Variants in RGS7BP observed in about 807,000 individuals in gnomAD.
The protein encoded by RGS7BP is regulator of G protein signaling 7-binding protein.
RGS7BP carries 9 observed loss-of-function variants against 31.3 expected under a neutral mutation model. That is an observed-to-expected ratio of 0.29 (90% CI 0.17 to 0.50). RGS7BP has a LOEUF of 0.50. Ranked by LOEUF, RGS7BP falls within the 20% of genes least tolerant of loss-of-function variation. The pLI is 0.98. For missense variants in RGS7BP, 274 were observed against 322.0 expected, an observed-to-expected ratio of 0.85 and a Z score of 1.14; for synonymous variants, 115 against 120.1, an observed-to-expected ratio of 0.96 and a Z score of 0.28.
intron 2 of RGS7BP, among the ~76,000 whole-genome samples, chr5:64,562,912 G>A (rs1742087446): frequency 6.6e-6 from 1 of 152,124 alleles, no homozygotes; most frequent in South Asian, 2.1e-4. Flanking sequence ...CAGATAATGA[G>A]TAAAACTTCC....
At chr5:64,599,424 T>C (rs1743162616) in intron 5 of RGS7BP, among the ~76,000 whole-genome samples, 1 of 152,134 alleles carries the variant, frequency 6.6e-6, no homozygotes. Flanking sequence ...GATTTGGCAG[T>C]GGAGCTGGAG....
chr5:64,547,383 G>A lies in RGS7BP; in HGVS notation c.333-28391G>A, dbSNP rs116291196. ...ATGGAAATTCTTCTCACCAAAGCTT[G>A]GTGTTGTCTGTCTTTTTAATTTTAG... On this transcript the variant is annotated intron_variant, in intron 2 of 5. Coordinates refer to ENST00000334025, the MANE Select transcript of RGS7BP (RefSeq NM_001029875.3). Among the ~76,000 whole-genome samples, 1,079 of 152,230 alleles carry A rather than the reference G, an allele frequency of 7.1e-3. 10 individuals are homozygous for A. Among genetic ancestry groups the A allele is most frequent in the African/African-American group, 0.024 (994 of 41,538 alleles).
chr5:64,560,329 A>ACTT (rs1158519904), intron 2 of RGS7BP, among the ~76,000 whole-genome samples: 2 of 152,016 alleles, frequency 1.3e-5, no homozygotes, highest in African/African-American at 2.4e-5. Context: ...TGAATTGGAA[A>ACTT]CTCTAGGGAT....
chr5:64,579,591 A>C (rs1451138803), intron 3 of RGS7BP, among the ~76,000 whole-genome samples: 2 of 150,006 alleles, frequency 1.3e-5, no homozygotes, highest in African/African-American at 4.9e-5. Context: ...AAAGAAATAT[A>C]TTGAAGGTGG....
At chr5:64,564,048 C>CA (rs1401382395) in intron 2 of RGS7BP, among the ~76,000 whole-genome samples, 1 of 152,142 alleles carries the variant, frequency 6.6e-6, no homozygotes, top group African/African-American at 2.4e-5. Flanking sequence ...ACTCTCTAGT[C>CA]AAAAGAGTTA....
chr5:64,608,014 C>T (rs1029469843), intron 5 of RGS7BP, among the ~76,000 whole-genome samples: 5 of 152,050 alleles, frequency 3.3e-5, no homozygotes, highest in African/African-American at 1.2e-4. Flanking sequence ...GCTTCTGTGC[C>T]CTTTGCCAAG....
intron 2 of RGS7BP, among the ~76,000 whole-genome samples, chr5:64,563,523 A>G (rs1742100419): frequency 6.6e-6 from 1 of 152,148 alleles, no homozygotes; most frequent in African/African-American, 2.4e-5. Flanking sequence ...AGGTGAAAGC[A>G]GAGGTTAGGA....
At chr5:64,580,472 T>G (rs1742560607) in intron 3 of RGS7BP, among the ~76,000 whole-genome samples, 1 of 151,992 alleles carries the variant, frequency 6.6e-6, no homozygotes, top group Non-Finnish European at 1.5e-5. Context: ...AGAATTGAAA[T>G]GTAGGTAATT....
intron 2 of RGS7BP, among the ~76,000 whole-genome samples, chr5:64,536,392 T>C (rs1007356899): frequency 6.6e-6 from 1 of 151,924 alleles, no homozygotes; most frequent in African/African-American, 2.4e-5. Flanking sequence ...AAAGAAATTA[T>C]GTTAACTAGG....
chr5:64,602,635 T>C (rs934982365), intron 5 of RGS7BP, among the ~76,000 whole-genome samples: 1 of 152,186 alleles, frequency 6.6e-6, no homozygotes, highest in African/African-American at 2.4e-5. Context: ...AGGAAACTTT[T>C]CCAAATGCCA....
At chr5:64,588,173 G>A (rs774825333) in intron 3 of RGS7BP, among the ~76,000 whole-genome samples, 3 of 152,164 alleles carry the variant, frequency 2.0e-5, no homozygotes, top group Non-Finnish European at 4.4e-5. Flanking sequence ...AGATTTGTTG[G>A]AAGTAAAAAT....
chr5:64,534,548 T>G (rs1415619803), intron 2 of RGS7BP, among the ~76,000 whole-genome samples: 2 of 151,828 alleles, frequency 1.3e-5, no homozygotes, highest in Non-Finnish European at 2.9e-5. Context: ...GTGATGAGGA[T>G]GAGGGAAAGG....
intron 2 of RGS7BP, among the ~76,000 whole-genome samples, chr5:64,526,728 T>C (rs1749239627): frequency 1.3e-5 from 2 of 152,094 alleles, no homozygotes; most frequent in Admixed American, 1.3e-4. Flanking sequence ...TTTAGACACC[T>C]ACCATTATTT....
rs1741404622 is a variant in RGS7BP, at chr5:64,537,373, G to A, written c.332+29496G>A. Among the ~76,000 whole-genome samples the A allele has an allele frequency of 2.6e-5, 4 of 152,154 alleles. No individual in the cohort carries two copies. The South Asian group carries it at 8.3e-4, about 32-fold the overall frequency. On this transcript the variant is annotated intron_variant, in intron 2 of 5. Coordinates refer to ENST00000334025, the MANE Select transcript of RGS7BP (RefSeq NM_001029875.3). ...GGTCACTTGTAGCCCTTGTCCGCGG[G>A]TTACAAGCTTGGTTTAGGCTATCAC...
rs185159434 is a variant in RGS7BP at position 64,520,779 on chromosome 5, A to G, written c.332+12902A>G. 1.9e-3 allele frequency among the ~76,000 whole-genome samples: 295 copies of G among 152,314 alleles called. 1 individual carries two copies. Among genetic ancestry groups the G allele is most frequent in the African/African-American group, 6.4e-3 (265 of 41,568 alleles). On this transcript the variant is annotated intron_variant, in intron 2 of 5. Coordinates refer to ENST00000334025, the MANE Select transcript of RGS7BP (RefSeq NM_001029875.3). ...CCACCTGCTCCCCTTCAGGACCCCA[A>G]TGAGCACAGGGGGTGAGGGTGGGGA...
At chr5:64,552,971 C>A (rs1741831680) in intron 2 of RGS7BP, among the ~76,000 whole-genome samples, 1 of 152,150 alleles carries the variant, frequency 6.6e-6, no homozygotes, top group Admixed American at 6.6e-5. Flanking sequence ...TCTTTTCTTC[C>A]TCCCTTAATA....
chr5:64,530,506 G>A (rs1161353291), intron 2 of RGS7BP, among the ~76,000 whole-genome samples: 2 of 152,192 alleles, frequency 1.3e-5, no homozygotes, highest in Non-Finnish European at 2.9e-5. Flanking sequence ...GGCTCACAAA[G>A]ATTAAGTGTC....
intron 3 of RGS7BP, among the ~76,000 whole-genome samples, chr5:64,588,302 T>C (rs1266376255): frequency 1.3e-5 from 2 of 152,188 alleles, no homozygotes; most frequent in Non-Finnish European, 2.9e-5. Context: ...TTTTACCCTA[T>C]CTTCTCAAGG....
At chr5:64,582,144 G>A (rs1360913458) in intron 3 of RGS7BP, among the ~76,000 whole-genome samples, 1 of 152,224 alleles carries the variant, frequency 6.6e-6, no homozygotes, top group African/African-American at 2.4e-5. Context: ...CTTCTTCACA[G>A]TTAGTTAGGT....
Sources: allele counts gnomAD v4.1 joint callset (sites outside exome capture counted in the v4.1 genomes callset), GRCh38; gene constraint gnomAD v4.1.1; transcripts MANE v1.5; gene names NCBI Gene and HGNC (gene_info 2026-07-23, HGNC 2026-07-21).